ACBD6: variants seen among roughly 807,000 people sequenced by gnomAD.
ACBD6 encodes the protein acyl-CoA binding domain containing 6.
In ACBD6, 28 loss-of-function variants were observed where a neutral mutation model predicts 37.2. The observed-to-expected ratio is 0.75, with a 90% CI of 0.56 to 1.03. The LOEUF (loss-of-function observed/expected upper bound fraction) is 1.03, where lower values mean the gene tolerates loss of function less well. Among genes scored for constraint, ACBD6 ranks in the 50% least tolerant of loss-of-function variants. The probability of loss-of-function intolerance (pLI) is 0.00; values close to 1 mark genes in which losing one functional copy is unlikely to be tolerated. For missense variants in ACBD6, 340 were observed against 337.4 expected (o/e 1.01, Z -0.06); for synonymous variants, 113 against 126.8 (o/e 0.89, Z 0.73).
intron 3 of ACBD6, among the ~76,000 whole-genome samples, chr1:180,482,240 C>A (rs1651080811): frequency 6.6e-6 from 1 of 151,888 alleles, no homozygotes; most frequent in African/African-American, 2.4e-5. Flanking sequence ...TAAAAGATAA[C>A]TAGCTGATGT....
chr1:180,340,615 G>A (rs958329209), intron 6 of ACBD6, among the ~76,000 whole-genome samples: 3 of 151,846 alleles, frequency 2.0e-5, no homozygotes, highest in African/African-American at 7.3e-5. Flanking sequence ...ACACAGAAGA[G>A]AGAGAAAACT....
chr1:180,301,995 G>A (rs143505987), intron 7 of ACBD6, among the ~76,000 whole-genome samples: 1 of 151,286 alleles, frequency 6.6e-6, no homozygotes, highest in South Asian at 2.1e-4. Flanking sequence ...CTGTGTTTGA[G>A]TGTATAAGTT....
At chr1:180,469,386 A>G (rs1650470960) in intron 3 of ACBD6, among the ~76,000 whole-genome samples, 2 of 152,238 alleles carry the variant, frequency 1.3e-5, no homozygotes, top group African/African-American at 2.4e-5. Context: ...CGTATTTCAC[A>G]TGCTTTGTAA....
rs903327090 is a variant in ACBD6, at chr1:180,386,007, T to C, written c.663+11509A>G. 5.9e-5 allele frequency among the ~76,000 whole-genome samples: 9 copies of C among 152,074 alleles called. No homozygotes were observed. In the East Asian group the frequency reaches 1.5e-3, roughly 26 times the overall value. On this transcript the variant is annotated intron_variant, in intron 6 of 7. Coordinates refer to ENST00000367595, the MANE Select transcript of ACBD6 (RefSeq NM_032360.4). ...CAACATGGTGAAACCCTGTCTCTACTAAAAATACAAAAATTAGCCAGGCAT... is the reference window on the plus strand; with the variant it reads ...CAACATGGTGAAACCCTGTCTCTACCAAAAATACAAAAATTAGCCAGGCAT...
chr1:180,394,489 A>T (rs1558280872), intron 6 of ACBD6, among the ~76,000 whole-genome samples: 2 of 152,180 alleles, frequency 1.3e-5, no homozygotes, highest in Non-Finnish European at 2.9e-5. Flanking sequence ...CAGAAAAATA[A>T]ATGAGCAAAA....
At chr1:180,488,581 CTT>C (rs1289621354) in intron 3 of ACBD6, among the ~76,000 whole-genome samples, 2 of 144,620 alleles carry the variant, frequency 1.4e-5, no homozygotes, top group Admixed American at 6.9e-5. Context: ...TGTTAGTTGG[CTT>C]TTTTTTTTTG....
intron 6 of ACBD6, among the ~76,000 whole-genome samples, chr1:180,336,872 A>G (rs1651742885): frequency 1.3e-5 from 2 of 152,234 alleles, no homozygotes; most frequent in South Asian, 2.1e-4. Flanking sequence ...AGAATACTAT[A>G]AACACCTCTA....
intron 6 of ACBD6, among the ~76,000 whole-genome samples, chr1:180,348,181 C>T (rs1652262175): frequency 6.6e-6 from 1 of 152,070 alleles, no homozygotes. Context: ...ATATTAATAT[C>T]CTACGATCTA....
intron 4 of ACBD6, among the ~76,000 whole-genome samples, chr1:180,429,322 C>T (rs1648721840): frequency 6.6e-6 from 1 of 152,154 alleles, no homozygotes; most frequent in African/African-American, 2.4e-5. Context: ...GTGAGTTTGA[C>T]TACTCTAAAT....
chr1:180,469,616 A>T (rs1211752781), intron 3 of ACBD6, among the ~76,000 whole-genome samples: 1 of 152,240 alleles, frequency 6.6e-6, no homozygotes, highest in Non-Finnish European at 1.5e-5. Context: ...AATATGAGTT[A>T]GACAACTAAA....
intron 1 of ACBD6, among the ~76,000 whole-genome samples, chr1:180,498,302 T>G (rs1651813504): frequency 6.6e-6 from 1 of 152,226 alleles, no homozygotes. Context: ...TTGAGTTGTT[T>G]TCCTTGAAGT....
At chr1:180,381,216 C>A (rs951056007) in intron 6 of ACBD6, among the ~76,000 whole-genome samples, 2 of 152,050 alleles carry the variant, frequency 1.3e-5, no homozygotes, top group African/African-American at 4.8e-5. Context: ...TTATATCAAG[C>A]AAATATTATT....
At chr1:180,314,253 A>T (rs1393740059) in intron 7 of ACBD6, among the ~76,000 whole-genome samples, 1 of 151,446 alleles carries the variant, frequency 6.6e-6, no homozygotes, top group Admixed American at 6.6e-5. Flanking sequence ...AGTTATTAAT[A>T]TTTTTTTTTG....
chr1:180,299,896 AT>A (rs1650065702), intron 7 of ACBD6, among the ~76,000 whole-genome samples: 1 of 152,156 alleles, frequency 6.6e-6, no homozygotes, highest in Non-Finnish European at 1.5e-5. Context: ...ATATCTGAAG[AT>A]TAAAAAAAAA....
chr1:180,382,098 G>C (rs1653676113), intron 6 of ACBD6, among the ~76,000 whole-genome samples: 1 of 129,798 alleles, frequency 7.7e-6, no homozygotes, highest in South Asian at 2.4e-4. Flanking sequence ...CTGGGTGACA[G>C]AACAAGACTG....
intron 3 of ACBD6, among the ~76,000 whole-genome samples, chr1:180,483,607 GA>G (rs1238013983): frequency 1.3e-5 from 2 of 151,812 alleles, no homozygotes; most frequent in East Asian, 3.9e-4. Context: ...ATACATGGTA[GA>G]AAAAAGAACA....
intron 3 of ACBD6, among the ~76,000 whole-genome samples, chr1:180,453,109 ACAGAAAAAGAAAATTTCAGGC>A (rs2102029838): frequency 6.6e-6 from 1 of 152,330 alleles, no homozygotes; most frequent in South Asian, 2.1e-4. Context: ...CAGAGACACA[ACAGAAAAAGAAAATTTCAGGC>A]CAGTATCCCT....
intron 5 of ACBD6, among the ~76,000 whole-genome samples, chr1:180,408,670 AT>A (rs1429389177): frequency 1.3e-5 from 2 of 152,142 alleles, no homozygotes; most frequent in South Asian, 2.1e-4. Context: ...AAGTATAATA[AT>A]AATAAAATAA....
At chr1:180,395,470 T>A (rs530881928) in intron 6 of ACBD6, among the ~76,000 whole-genome samples, 33 of 152,302 alleles carry the variant, frequency 2.2e-4, no homozygotes, top group African/African-American at 4.3e-4. Flanking sequence ...TGTGTGATTT[T>A]TTTTTATTTT....
Sources: allele counts gnomAD v4.1 joint callset (sites outside exome capture counted in the v4.1 genomes callset), GRCh38; gene constraint gnomAD v4.1.1; transcripts MANE v1.5; gene names NCBI Gene and HGNC (gene_info 2026-07-23, HGNC 2026-07-21).